UNC80: variants seen among roughly 807,000 people sequenced by gnomAD.
The protein encoded by UNC80 is protein unc-80 homolog.
UNC80 carries 164 observed loss-of-function variants against 384.6 expected under a neutral mutation model. The observed-to-expected ratio is 0.43, with a 90% CI of 0.38 to 0.49. The LOEUF (loss-of-function observed/expected upper bound fraction) is 0.49. Among genes scored for constraint, UNC80 ranks in the 20% least tolerant of loss-of-function variants. The pLI is 0.00. For missense variants in UNC80, 3,330 were observed against 4,143.0 expected, an observed-to-expected ratio of 0.80 and a Z score of 5.39; for synonymous variants, 1,486 against 1,527.8, an observed-to-expected ratio of 0.97 and a Z score of 0.64.
In UNC80 at chr2:209,819,402, T is replaced by C. The variant is rs2079980863; in HGVS notation, c.1962+141T>C. ...GAAAAAGCCACCCACTGAAAAAAAT[T>C]CACCAATGTTTCAACCATCATAGGT... On this transcript the variant is annotated intron_variant, in intron 12 of 64. Transcript: ENST00000673920. 8 of 923,506 alleles carry C rather than the reference T, an allele frequency of 8.7e-6. No individual in the cohort carries two copies. In the East Asian group the frequency reaches 2.1e-4, roughly 25 times the overall value. 57.2% of individuals were successfully genotyped at this position (923,506 alleles called of 1,614,324 possible).
chr2:209,837,169 C>A (rs926289611), intron 18 of UNC80, among the ~76,000 whole-genome samples: 6 of 151,898 alleles, frequency 4.0e-5, no homozygotes, highest in African/African-American at 1.5e-4. Context: ...TTCTGGATAC[C>A]CATATAAATA....
At chr2:209,817,690 T>C (rs2079840280) in intron 10 of UNC80, 122 bp from the exon 11 acceptor site, 2 of 1,234,350 alleles carry the variant, frequency 1.6e-6, no homozygotes, top group South Asian at 1.6e-5. Flanking sequence ...TTTTTTTGTC[T>C]GTGTTTCACA....
chr2:209,885,908 GCACCTGCCAT>G (rs544726228), intron 25 of UNC80, among the ~76,000 whole-genome samples: 1 of 151,934 alleles, frequency 6.6e-6, no homozygotes, highest in South Asian at 2.1e-4. Flanking sequence ...GGGACTACAG[GCACCTGCCAT>G]CACGCCCACC....
chr2:209,943,236 G>A, intron 44 of UNC80, 144 bp from the exon 45 acceptor site: 1 of 1,045,092 alleles, frequency 9.6e-7, no homozygotes. Flanking sequence ...TCTAGAGAAA[G>A]TTTATGCCAT....
At chr2:209,932,798 C>T (rs532309178) in intron 38 of UNC80, among the ~76,000 whole-genome samples, 1 of 152,134 alleles carries the variant, frequency 6.6e-6, no homozygotes, top group Non-Finnish European at 1.5e-5. Flanking sequence ...AATCTGAATT[C>T]TATGTTATTA....
chr2:209,774,021 C>T (rs1281807989), intron 2 of UNC80, among the ~76,000 whole-genome samples: 1 of 152,098 alleles, frequency 6.6e-6, no homozygotes, highest in Non-Finnish European at 1.5e-5. Context: ...TGGAGCTTAC[C>T]TAAAAGTCTT....
chr2:209,959,229 C>G, intron 50 of UNC80, 75 bp downstream of exon 50: 1 of 1,481,726 alleles, frequency 6.7e-7, no homozygotes, highest in Non-Finnish European at 9.2e-7. Context: ...TGGTTTATGG[C>G]TCTATTAGAT....
Position 209,982,337 on chromosome 2 carries a change from C to T in UNC80, c.9257+20C>T, listed in dbSNP as rs2093177332. The T allele has an allele frequency of 1.2e-5, 18 of 1,523,358 alleles. No homozygotes were observed. The highest frequency in any genetic ancestry group is 1.6e-5 in the Non-Finnish European group (18 of 1,132,232). The allele number at this position is 1,523,358 out of a possible 1,614,324, so 94.4% of individuals were successfully genotyped here. ...CCAGAGGTAAACAGCTATGGTTATA[C>T]TGTACTCTGCATTTGGGGGCAAAGT... On this transcript the variant is annotated intron_variant, in intron 60 of 64. Coordinates refer to ENST00000673920, the MANE Select transcript of UNC80 (RefSeq NM_001371986.1).
At chr2:209,808,805 T>G in intron 7 of UNC80, 3 of 352,258 alleles carry the variant, frequency 8.5e-6, no homozygotes, top group Non-Finnish European at 1.6e-5. Flanking sequence ...TCTGCCACCA[T>G]GCCGCGCTCT....
chr2:209,868,899 A>G (rs1030375401), intron 22 of UNC80, among the ~76,000 whole-genome samples: 1 of 152,208 alleles, frequency 6.6e-6, no homozygotes, highest in Non-Finnish European at 1.5e-5. Context: ...ACGAAGTTAT[A>G]ATATAATGGA....
chr2:209,911,498 A>G (rs991667726), intron 29 of UNC80, among the ~76,000 whole-genome samples: 1 of 152,174 alleles, frequency 6.6e-6, no homozygotes, highest in African/African-American at 2.4e-5. Flanking sequence ...CTCGTCACAT[A>G]ATAGATGCAT....
intron 13 of UNC80, among the ~76,000 whole-genome samples, chr2:209,821,790 T>G (rs1292564086): frequency 6.6e-6 from 1 of 152,312 alleles, no homozygotes; most frequent in East Asian, 1.9e-4. Context: ...TGGTTTCAGC[T>G]AGGAAATGAT....
intron 47 of UNC80, among the ~76,000 whole-genome samples, chr2:209,950,529 C>G (rs1280727372): frequency 6.7e-6 from 1 of 148,328 alleles, no homozygotes; most frequent in Non-Finnish European, 1.5e-5. Flanking sequence ...CCTTTTCTTT[C>G]CTTTTTTATC....
At chr2:209,881,211 T>A (rs187226341) in intron 25 of UNC80, 117 bp downstream of exon 25, 53 of 1,201,862 alleles carry the variant, frequency 4.4e-5, no homozygotes, top group Non-Finnish European at 5.6e-5. Flanking sequence ...CACATAATTT[T>A]AAAAATTCAA....
chr2:209,837,429 C>T (rs1413053890), intron 18 of UNC80, among the ~76,000 whole-genome samples: 1 of 152,180 alleles, frequency 6.6e-6, no homozygotes, highest in East Asian at 1.9e-4. Context: ...GAGATAACCT[C>T]TGTAAACTCT....
At chr2:209,988,192 T>C (rs1233696271) in intron 61 of UNC80, among the ~76,000 whole-genome samples, 3 of 152,208 alleles carry the variant, frequency 2.0e-5, no homozygotes, top group Non-Finnish European at 4.4e-5. Flanking sequence ...CGTGAAGTGC[T>C]GGCTTCATGC....
intron 6 of UNC80, among the ~76,000 whole-genome samples, chr2:209,789,898 C>T (rs535829070): frequency 3.3e-5 from 5 of 151,794 alleles, no homozygotes; most frequent in Middle Eastern, 3.4e-3. Flanking sequence ...ATGTAACACT[C>T]AATAAGTGTT....
intron 7 of UNC80, chr2:209,809,288 C>T (rs1452676434): frequency 1.3e-6 from 1 of 751,382 alleles, no homozygotes; most frequent in East Asian, 2.5e-5. Flanking sequence ...AGCCTGGGTG[C>T]CCTCAAGAAA....
rs916019993 is a variant in UNC80, at chr2:209,995,915, C to T, written c.*320C>T. 7.5e-5 allele frequency: 15 copies of T among 200,178 alleles called. No individual in the cohort carries two copies. The highest frequency in any genetic ancestry group is 3.0e-4 in the African/African-American group (13 of 42,782). The allele number at this position is 200,178 out of a possible 1,614,324, so 12.4% of individuals were successfully genotyped here. ...AATATATACTATTCATTGCTGCTTT[C>T]ATAGAAATATTAACAAATGATATGA... On this transcript the variant is annotated 3_prime_UTR_variant, in exon 65 of 65. Coordinates refer to ENST00000673920, the MANE Select transcript of UNC80 (RefSeq NM_001371986.1).
Sources: gnomAD v4.1 joint callset for allele counts (sites outside exome capture counted in the v4.1 genomes callset) on GRCh38, gnomAD v4.1.1 for gene constraint, MANE v1.5 for transcripts, NCBI Gene and HGNC (gene_info 2026-07-23, HGNC 2026-07-21) for gene names.